CDH15: variants seen among roughly 807,000 people sequenced by gnomAD.
The protein encoded by CDH15 is cadherin-15.
CDH15 carries 73 observed loss-of-function variants against 69.4 expected under a neutral mutation model. The observed-to-expected ratio is 1.05, with a 90% CI of 0.87 to 1.28. The LOEUF (loss-of-function observed/expected upper bound fraction) is 1.28, where lower values mean the gene tolerates loss of function less well. Ranked by LOEUF, CDH15 falls within the 50% of genes most tolerant of loss-of-function variation. CDH15 has a pLI of 0.00. For missense variants in CDH15, 1,343 were observed against 1,133.6 expected (o/e 1.18, Z -2.65); for synonymous variants, 624 against 507.7 (o/e 1.23, Z -3.08).
At position 89,185,681 on chromosome 16, in the gene CDH15, G is replaced by T. The variant is rs899011536; in HGVS notation, c.663+348G>T. On this transcript the variant is annotated intron_variant, in intron 5 of 13. Coordinates refer to ENST00000289746, the MANE Select transcript of CDH15 (RefSeq NM_004933.3). ...AGGGCCCCTGTTGCCCCTTGCTGTC[G>T]GACTTCGGTGCTCCCGGAAGACCCC... 1.3e-5 allele frequency: 5 copies of T among 373,638 alleles called. No homozygotes were observed. In the Admixed American group the frequency reaches 1.6e-4, roughly 12 times the overall value. The allele number at this position is 373,638 out of a possible 1,614,324, so 23.1% of individuals were successfully genotyped here. A position where few individuals can be genotyped will look rare whatever the true frequency, so the allele number is the denominator to read the frequency against.
In CDH15 at chr16:89,195,143, C is replaced by T. The variant is rs1457564982; in HGVS notation, c.2433C>T (p.Gly811=). 3 of 1,593,620 alleles carry T rather than the reference C, an allele frequency of 1.9e-6. No homozygotes were observed. The highest frequency in any genetic ancestry group is 1.7e-5 in the Admixed American group (1 of 59,394). ...GGGCACTGCTACCCAGACACAGAGG[C>T]CGGACAGCCTGACCCTGGGGCGCAA... ...SPGALLPRHR[G]RTA Residue 811 remains glycine (G), a synonymous_variant, in exon 14 of 14, where the codon GGC becomes GGT. Coordinates refer to ENST00000289746, the MANE Select transcript of CDH15 (RefSeq NM_004933.3).
chr16:89,173,750 C>A (rs1485118614), intron 1 of CDH15, among the ~76,000 whole-genome samples: 1 of 152,216 alleles, frequency 6.6e-6, no homozygotes, highest in East Asian at 1.9e-4. Flanking sequence ...CTCCCCTGCT[C>A]GGGCCACCTC....
At position 89,192,194 on chromosome 16, in the gene CDH15, G is replaced by C; in HGVS notation, c.1616-11G>C. On this transcript the variant is annotated splice_polypyrimidine_tract_variant and intron_variant, in intron 10 of 13. Transcript: ENST00000289746. ...CGGGAGGCCCTCGCTCACCACAGGCGCCCTCCGCAGTGAGCCACGCGCGCC... is the reference window on the plus strand; with the variant it reads ...CGGGAGGCCCTCGCTCACCACAGGCCCCCTCCGCAGTGAGCCACGCGCGCC... The C allele has an allele frequency of 6.5e-7, 1 of 1,528,058 alleles. No homozygotes were observed. The highest frequency in any genetic ancestry group is 8.7e-7 in the Non-Finnish European group (1 of 1,143,764). The allele number at this position is 1,528,058 out of a possible 1,614,324, so 94.7% of individuals were successfully genotyped here. A position where few individuals can be genotyped will look rare whatever the true frequency, so the allele number is the denominator to read the frequency against.
At chr16:89,193,412 C>T (rs1437555479) in intron 11 of CDH15, 58 bp from the exon 12 acceptor site, 10 of 1,504,654 alleles carry the variant, frequency 6.6e-6, no homozygotes, top group Middle Eastern at 2.4e-4. Flanking sequence ...CTTCGCAGCC[C>T]GGCCCCCTGA....
chr16:89,190,329 T>C lies in CDH15; in HGVS notation c.1065T>C (p.Ala355=). Residue 355 remains alanine (A), a synonymous_variant, in exon 8 of 14, where the codon GCT becomes GCC. Coordinates refer to ENST00000289746, the MANE Select transcript of CDH15 (RefSeq NM_004933.3). ...CGCTGCAGGCGGCTGCCCTTAGGGCTGAGCGGGGCCAGGCCAAGGTCCGCG... is the reference window on the plus strand; with the variant it reads ...CGCTGCAGGCGGCTGCCCTTAGGGCCGAGCGGGGCCAGGCCAAGGTCCGCG... ...EAPLQAAALR[A]ERGQAKVRVH... 1 of 1,612,422 alleles carries C rather than the reference T, an allele frequency of 6.2e-7. No homozygotes were observed. Among genetic ancestry groups the C allele is most frequent in the Non-Finnish European group, 8.5e-7 (1 of 1,179,830 alleles).
intron 3 of CDH15, among the ~76,000 whole-genome samples, chr16:89,181,892 C>A (rs1411911494): frequency 6.7e-6 from 1 of 149,942 alleles, no homozygotes; most frequent in Non-Finnish European, 1.5e-5. Flanking sequence ...TGAGCTGAGT[C>A]CTCGCCACTG....
intron 8 of CDH15, 47 bp from the exon 9 acceptor site, chr16:89,191,283 G>A: frequency 5.0e-6 from 8 of 1,611,430 alleles, no homozygotes; most frequent in Non-Finnish European, 6.8e-6. Flanking sequence ...ACACCTGTGG[G>A]GCCCTGGGGT....
At position 89,189,102 on chromosome 16, in the gene CDH15, C is replaced by T. The variant is rs370811578; in HGVS notation, c.978+817C>T. ...ATGCCCACACACAGATGCCCACACA[C>T]AGATGCCCACGCACAGGTGCCCACA... is the stretch of plus-strand genomic sequence containing the variant. On this transcript the variant is annotated intron_variant, in intron 7 of 13. Coordinates refer to ENST00000289746, the MANE Select transcript of CDH15 (RefSeq NM_004933.3). 4.7e-5 allele frequency among the ~76,000 whole-genome samples: 7 copies of T among 148,316 alleles called. No individual in the cohort carries two copies. In the South Asian group the frequency reaches 1.1e-3, roughly 23 times the overall value.
At chr16:89,175,284 CCCGGGTGGGGGTGGCCCCTCCACCTCAG>C (rs1915234728) in intron 1 of CDH15, among the ~76,000 whole-genome samples, 1 of 152,200 alleles carries the variant, frequency 6.6e-6, no homozygotes, top group Non-Finnish European at 1.5e-5. Context: ...GAAACGTCTG[CCCGGGTGGGGGTGGCCCCTCCACCTCAG>C]CCGTGTGGGG....
At chr16:89,187,063 C>CG (rs1915507170) in intron 5 of CDH15, among the ~76,000 whole-genome samples, 1 of 120,768 alleles carries the variant, frequency 8.3e-6, no homozygotes, top group Admixed American at 8.7e-5. Context: ...ACGCTTACCC[C>CG]GGGCACACAA....
chr16:89,173,696 C>T (rs1291497290), intron 1 of CDH15, among the ~76,000 whole-genome samples: 1 of 152,238 alleles, frequency 6.6e-6, no homozygotes, highest in African/African-American at 2.4e-5. Context: ...AGCCCCCAGG[C>T]AGGCAGCGTG....
intron 5 of CDH15, 92 bp downstream of exon 5, chr16:89,185,425 G>A (rs1410608561): frequency 2.2e-6 from 3 of 1,387,264 alleles, no homozygotes; most frequent in Non-Finnish European, 3.0e-6. Flanking sequence ...CACCCCAGAC[G>A]CTCCTGTCCC....
chr16:89,190,179 G>A, intron 7 of CDH15, 64 bp from the exon 8 acceptor site: 1 of 1,585,012 alleles, frequency 6.3e-7, no homozygotes. Flanking sequence ...CTCCCCCATG[G>A]CACCTGCCCT....
chr16:89,173,557 T>C (rs568218405), intron 1 of CDH15, among the ~76,000 whole-genome samples: 37 of 152,170 alleles, frequency 2.4e-4, no homozygotes, highest in African/African-American at 8.7e-4. Context: ...TCGCCAAGGC[T>C]CAAATTCACT....
chr16:89,187,590 C>T (rs1294922203), intron 6 of CDH15, 33 bp downstream of exon 6: 10 of 1,612,338 alleles, frequency 6.2e-6, no homozygotes, highest in Non-Finnish European at 8.5e-6. Context: ...GAAAGTAGCC[C>T]CTGCTTAGAG....
intron 3 of CDH15, chr16:89,183,213 T>A: frequency 4.1e-6 from 1 of 245,806 alleles, no homozygotes; most frequent in Admixed American, 5.0e-5. Context: ...AAAACATAAC[T>A]TCAGGAGGAA....
In CDH15 at chr16:89,180,309, T is replaced by C. The variant is rs113385148; in HGVS notation, c.311T>C (p.Val104Ala). ...TCTATCGACAAGTTCACAGGGAAGGTCTTCCTCAATGCCATGCTGGACCGC... is the reference window on the plus strand; with the variant it reads ...TCTATCGACAAGTTCACAGGGAAGGCCTTCCTCAATGCCATGCTGGACCGC... ...VFSIDKFTGKVFLNAMLDREK... is the reference protein window; with the variant it reads ...VFSIDKFTGKAFLNAMLDREK... Residue 104 changes from valine (V) to alanine (A), a missense_variant, in exon 3 of 14, where the codon GTC becomes GCC. Coordinates refer to ENST00000289746, the MANE Select transcript of CDH15 (RefSeq NM_004933.3). 1.9e-6 allele frequency: 3 copies of C among 1,612,206 alleles called. No individual in the cohort carries two copies. In the African/African-American group the frequency reaches 4.0e-5, roughly 22 times the overall value.
chr16:89,184,007 C>T (rs1376984647), intron 4 of CDH15, among the ~76,000 whole-genome samples: 1 of 152,198 alleles, frequency 6.6e-6, no homozygotes, highest in Non-Finnish European at 1.5e-5. Context: ...CCTGTACTCA[C>T]ATGGGGTCCA....
At chr16:89,177,730 C>T (rs1009348454) in intron 1 of CDH15, among the ~76,000 whole-genome samples, 3 of 152,168 alleles carry the variant, frequency 2.0e-5, no homozygotes, top group African/African-American at 7.2e-5. Flanking sequence ...TCAGCCTGAC[C>T]GGGGAGCTCG....
Sources: gnomAD v4.1 joint callset for allele counts (sites outside exome capture counted in the v4.1 genomes callset) on GRCh38, gnomAD v4.1.1 for gene constraint, MANE v1.5 for transcripts, NCBI Gene and HGNC (gene_info 2026-07-23, HGNC 2026-07-21) for gene names.